Variants in PTPRD observed in about 807,000 individuals in gnomAD.
The protein encoded by PTPRD is receptor-type tyrosine-protein phosphatase delta.
Under a neutral mutation model 214.5 loss-of-function variants are expected in PTPRD, and 34 were observed. That is an observed-to-expected ratio of 0.16 (90% CI 0.12 to 0.21). The LOEUF is 0.21. PTPRD is among the 10% of genes least tolerant of loss of function. The probability of loss-of-function intolerance (pLI) is 1.00; values close to 1 mark genes in which losing one functional copy is unlikely to be tolerated. For missense variants in PTPRD, 2,545 were observed against 2,398.7 expected (o/e 1.06, Z -1.27); for synonymous variants, 1,128 against 845.7 (o/e 1.33, Z -5.79).
intron 11 of PTPRD, among the ~76,000 whole-genome samples, chr9:8,933,537 T>A (rs2098969096): frequency 6.6e-6 from 1 of 151,958 alleles, no homozygotes; most frequent in Non-Finnish European, 1.5e-5. Flanking sequence ...ATGACTTGAA[T>A]CAGTTTTCTA....
chr9:9,035,043 G>C (rs1458956660), intron 10 of PTPRD, among the ~76,000 whole-genome samples: 4 of 152,046 alleles, frequency 2.6e-5, no homozygotes, highest in Non-Finnish European at 4.4e-5. Context: ...ATAGAGTCTG[G>C]ATTCCTAGAT....
At chr9:9,769,878 T>C (rs760338222) in intron 5 of PTPRD, among the ~76,000 whole-genome samples, 32 of 152,194 alleles carry the variant, frequency 2.1e-4, no homozygotes, top group Non-Finnish European at 4.4e-4. Flanking sequence ...TCTGTTCCTG[T>C]ATTAGTTTTC....
chr9:8,616,588 G>A (rs2095618820), intron 14 of PTPRD, among the ~76,000 whole-genome samples: 1 of 152,040 alleles, frequency 6.6e-6, no homozygotes, highest in African/African-American at 2.4e-5. Context: ...TTTTAATGAT[G>A]ACAAATGTGA....
At chr9:9,944,515 A>T (rs2092247639) in intron 4 of PTPRD, among the ~76,000 whole-genome samples, 1 of 152,042 alleles carries the variant, frequency 6.6e-6, no homozygotes, top group Non-Finnish European at 1.5e-5. Context: ...TAATAAAAAG[A>T]TTTTTTTAAT....
intron 3 of PTPRD, among the ~76,000 whole-genome samples, chr9:10,138,626 G>A (rs2098959682): frequency 6.6e-6 from 1 of 152,022 alleles, no homozygotes; most frequent in African/African-American, 2.4e-5. Flanking sequence ...CAATATTCCT[G>A]ATAAGCATAG....
At chr9:10,034,244 A>T (rs2097135616) in intron 3 of PTPRD, among the ~76,000 whole-genome samples, 2 of 152,052 alleles carry the variant, frequency 1.3e-5, no homozygotes, top group African/African-American at 2.4e-5. Flanking sequence ...ATTGTCTTCA[A>T]TTCACAAAGA....
chr9:10,110,124 T>G (rs773356938), intron 3 of PTPRD, among the ~76,000 whole-genome samples: 2 of 152,212 alleles, frequency 1.3e-5, no homozygotes, highest in Non-Finnish European at 2.9e-5. Context: ...CAGAACACCC[T>G]GACACAAACC....
chr9:8,803,808 C>T (rs144984741), intron 11 of PTPRD, among the ~76,000 whole-genome samples: 5 of 151,254 alleles, frequency 3.3e-5, no homozygotes, highest in African/African-American at 9.7e-5. Context: ...CTTTTTTTGG[C>T]AGAAAAATAA....
intron 9 of PTPRD, among the ~76,000 whole-genome samples, chr9:9,386,898 C>G (rs527252774): frequency 6.6e-6 from 1 of 152,230 alleles, no homozygotes; most frequent in Admixed American, 6.5e-5. Context: ...AACACAGAGG[C>G]ATTTTCCCTT....
chr9:8,980,609 G>A (rs2099307176), intron 11 of PTPRD, among the ~76,000 whole-genome samples: 1 of 151,968 alleles, frequency 6.6e-6, no homozygotes, highest in Non-Finnish European at 1.5e-5. Context: ...AATTCCCCAA[G>A]GACAAACTGA....
intron 3 of PTPRD, among the ~76,000 whole-genome samples, chr9:10,035,549 G>A (rs1309841433): frequency 6.6e-6 from 1 of 151,764 alleles, no homozygotes; most frequent in Non-Finnish European, 1.5e-5. Context: ...TATCTTCCAG[G>A]GTTTTTTATA....
intron 35 of PTPRD, among the ~76,000 whole-genome samples, chr9:8,435,129 G>C (rs2095289067): frequency 6.6e-6 from 1 of 152,222 alleles, no homozygotes; most frequent in Non-Finnish European, 1.5e-5. Flanking sequence ...ACGTGGTCTG[G>C]CTCTTGAGGG....
intron 9 of PTPRD, among the ~76,000 whole-genome samples, chr9:9,200,444 A>G (rs2099941209): frequency 6.6e-6 from 1 of 152,204 alleles, no homozygotes; most frequent in South Asian, 2.1e-4. Context: ...GAGTGAAAAC[A>G]GTTTACACTT....
chr9:8,749,780 G>GTT (rs2093329219), intron 11 of PTPRD, among the ~76,000 whole-genome samples: 1 of 152,092 alleles, frequency 6.6e-6, no homozygotes, highest in Non-Finnish European at 1.5e-5. Flanking sequence ...AGGTGATAGG[G>GTT]ACAAGAGACT....
chr9:10,450,105 G>A (rs1566118065), intron 2 of PTPRD, among the ~76,000 whole-genome samples: 1 of 151,710 alleles, frequency 6.6e-6, no homozygotes, highest in Non-Finnish European at 1.5e-5. Flanking sequence ...AAACACTGCG[G>A]AAGGCCGCAG....
intron 14 of PTPRD, among the ~76,000 whole-genome samples, chr9:8,611,542 AAAAAATAC>A (rs1449320442): frequency 2.0e-5 from 3 of 150,866 alleles, no homozygotes; most frequent in Non-Finnish European, 4.5e-5. Context: ...CTGTCTCTAC[AAAAAATAC>A]AAAAATTAGC....
At position 9,203,709 on chromosome 9, in the gene PTPRD, G is replaced by A. The variant is rs1256677668; in HGVS notation, c.-202-20346C>T. On this transcript the variant is annotated intron_variant, in intron 9 of 45. Coordinates refer to ENST00000381196, the MANE Select transcript of PTPRD (RefSeq NM_002839.4). ...TTCAAATTGGATTAGAGGCAATTTT[G>A]ATTTTCTTCTTTATGTGTTTTTGCA... 5.3e-5 allele frequency among the ~76,000 whole-genome samples: 8 copies of A among 152,194 alleles called. No homozygotes were observed. The East Asian group carries it at 1.5e-3, about 29-fold the overall frequency.
chr9:8,318,060 C>CTTTT, intron 45 of PTPRD, 118 bp from the exon 46 acceptor site: 1 of 859,166 alleles, frequency 1.2e-6, no homozygotes, highest in African/African-American at 1.7e-5. Flanking sequence ...AAAATCACTA[C>CTTTT]TTTCGTCAAC....
Position 10,451,229 on chromosome 9 carries a change from G to A in PTPRD, c.-599-110212C>T, listed in dbSNP as rs957489140. On this transcript the variant is annotated intron_variant, in intron 2 of 45. Coordinates refer to ENST00000381196, the MANE Select transcript of PTPRD (RefSeq NM_002839.4). ...GAGGCTCTATTTTGAACAAAACACT[G>A]TTTCAGGTGTGCTGGGGCCAAGCAG... 1.4e-4 allele frequency among the ~76,000 whole-genome samples: 22 copies of A among 151,806 alleles called. 1 individual carries two copies. Among genetic ancestry groups the A allele is most frequent in the African/African-American group, 5.3e-4 (22 of 41,190 alleles).
Sources: allele counts gnomAD v4.1 joint callset (sites outside exome capture counted in the v4.1 genomes callset), GRCh38; gene constraint gnomAD v4.1.1; transcripts MANE v1.5; gene names NCBI Gene and HGNC (gene_info 2026-07-23, HGNC 2026-07-21).